KANK1: variants seen among roughly 807,000 people sequenced by gnomAD.
KANK1 encodes the protein KN motif and ankyrin repeat domain-containing protein 1.
KANK1 carries 109 observed loss-of-function variants against 106.2 expected under a neutral mutation model. The ratio of observed to expected loss-of-function variants is 1.03; its 90% CI spans 0.88 to 1.20. The LOEUF is 1.20. Ranked by LOEUF, KANK1 falls within the 50% of genes most tolerant of loss-of-function variation. KANK1 has a pLI of 0.00. For missense variants in KANK1, 2,399 were observed against 1,710.7 expected (o/e 1.40, Z -7.10); for synonymous variants, 873 against 652.2 (o/e 1.34, Z -5.16).
intron 8 of KANK1, among the ~76,000 whole-genome samples, chr9:739,245 A>G (rs892417964): frequency 2.0e-5 from 3 of 152,122 alleles, no homozygotes; most frequent in African/African-American, 7.2e-5. Flanking sequence ...CAAGTCTTTT[A>G]ATTTTTGTAA....
At chr9:480,356 T>G (rs2058182404) in intron 3 of KANK1, among the ~76,000 whole-genome samples, 1 of 152,214 alleles carries the variant, frequency 6.6e-6, no homozygotes, top group African/African-American at 2.4e-5. Context: ...AAAGGCTAGG[T>G]GGACACGTGC....
intron 2 of KANK1, among the ~76,000 whole-genome samples, chr9:682,231 C>T (rs1426353052): frequency 6.6e-6 from 1 of 151,112 alleles, no homozygotes; most frequent in Non-Finnish European, 1.5e-5. Context: ...AGTGTCCCGA[C>T]ACAGTGCTAC....
chr9:522,402 T>TA (rs1291262802), intron 1 of KANK1, among the ~76,000 whole-genome samples: 1 of 151,644 alleles, frequency 6.6e-6, no homozygotes, highest in Non-Finnish European at 1.5e-5. Flanking sequence ...TGGATAGCAC[T>TA]CCTAACGCTC....
chr9:738,053 C>T (rs1052589606), intron 7 of KANK1, among the ~76,000 whole-genome samples: 2 of 152,188 alleles, frequency 1.3e-5, no homozygotes, highest in African/African-American at 4.8e-5. Flanking sequence ...TCTGCTTCTG[C>T]ATGGTGCTGT....
intron 1 of KANK1, among the ~76,000 whole-genome samples, chr9:514,234 C>CCCTCCCTT (rs1417117099): frequency 3.7e-5 from 3 of 81,266 alleles, no homozygotes; most frequent in South Asian, 4.2e-4. Flanking sequence ...CTCCCTCCCT[C>CCCTCCCTT]CCTCCCTTCC....
At chr9:519,767 G>A (rs894398887) in intron 1 of KANK1, among the ~76,000 whole-genome samples, 7 of 151,638 alleles carry the variant, frequency 4.6e-5, no homozygotes, top group Admixed American at 6.6e-5. Flanking sequence ...GAGCCTTGTC[G>A]TCTTTGAACC....
chr9:635,185 C>G (rs1427607280), intron 1 of KANK1, among the ~76,000 whole-genome samples: 1 of 152,152 alleles, frequency 6.6e-6, no homozygotes, highest in East Asian at 1.9e-4. Context: ...CCTCTTCCAT[C>G]CTGACCTCAT....
intron 1 of KANK1, among the ~76,000 whole-genome samples, chr9:563,585 T>C (rs149776398): frequency 6.6e-6 from 1 of 152,206 alleles, no homozygotes; most frequent in Non-Finnish European, 1.5e-5. Flanking sequence ...TTTGTAGATA[T>C]GTATGTGTGT....
At chr9:472,761 C>T (rs2058042776) in intron 2 of KANK1, among the ~76,000 whole-genome samples, 1 of 152,082 alleles carries the variant, frequency 6.6e-6, no homozygotes, top group Admixed American at 6.6e-5. Context: ...AATTTTAAGG[C>T]GGTGACAACA....
At chr9:569,129 G>T (rs1358312954) in intron 1 of KANK1, among the ~76,000 whole-genome samples, 1 of 152,070 alleles carries the variant, frequency 6.6e-6, no homozygotes, top group African/African-American at 2.4e-5. Context: ...GTATCCAGCT[G>T]CCTGACCCAG....
chr9:555,338 C>T (rs907630522), intron 1 of KANK1, among the ~76,000 whole-genome samples: 2 of 152,144 alleles, frequency 1.3e-5, no homozygotes, highest in African/African-American at 2.4e-5. Flanking sequence ...CCCTACCTTC[C>T]ACACCATGTA....
intron 1 of KANK1, among the ~76,000 whole-genome samples, chr9:610,225 G>C (rs10975396): frequency 6.6e-6 from 1 of 151,854 alleles, no homozygotes; most frequent in Non-Finnish European, 1.5e-5. Flanking sequence ...GAACACTTAC[G>C]TTTATCAAAA....
At chr9:570,294 C>G (rs939772861) in intron 1 of KANK1, among the ~76,000 whole-genome samples, 1 of 152,136 alleles carries the variant, frequency 6.6e-6, no homozygotes, top group Admixed American at 6.5e-5. Context: ...ATTTGATGTC[C>G]TTAGTAAGCC....
chr9:688,447 A>G (rs959261045), intron 2 of KANK1, among the ~76,000 whole-genome samples: 3 of 152,100 alleles, frequency 2.0e-5, no homozygotes, highest in Non-Finnish European at 2.9e-5. Context: ...CTCTACTAAA[A>G]ATACAAAAAT....
At chr9:708,536 G>T (rs1354406135) in intron 2 of KANK1, among the ~76,000 whole-genome samples, 3 of 152,172 alleles carry the variant, frequency 2.0e-5, no homozygotes, top group Admixed American at 2.0e-4. Flanking sequence ...AAATTGGGAC[G>T]TAAGGAATAT....
chr9:724,079 T>G (rs1830057940), intron 3 of KANK1, among the ~76,000 whole-genome samples: 1 of 151,856 alleles, frequency 6.6e-6, no homozygotes, highest in Non-Finnish European at 1.5e-5. Context: ...CCAGCCTGGG[T>G]GACAGAGTGA....
chr9:567,056 C>T lies in KANK1; in HGVS notation c.-84+62302C>T, dbSNP rs117546898. Among the ~76,000 whole-genome samples the T allele has an allele frequency of 1.6e-3, 241 of 152,298 alleles. 3 individuals carry two copies. In the Middle Eastern group the frequency reaches 0.027, roughly 17 times the overall value. ...GAAGGGGTCCAGTTTCAATTTTCTGCACATGGCTAGCCAGTTATCACAGCA... is the reference window on the plus strand; with the variant it reads ...GAAGGGGTCCAGTTTCAATTTTCTGTACATGGCTAGCCAGTTATCACAGCA... On this transcript the variant is annotated intron_variant, in intron 1 of 11. Transcript: ENST00000382297.
intron 1 of KANK1, among the ~76,000 whole-genome samples, chr9:520,925 T>C (rs2059516615): frequency 6.6e-6 from 1 of 151,782 alleles, no homozygotes; most frequent in East Asian, 1.9e-4. Context: ...ATGATTTTTG[T>C]TTAATTGCCT....
chr9:724,812 AG>A lies in KANK1; in HGVS notation c.2699-5238del, dbSNP rs1288793905. On this transcript the variant is annotated intron_variant, in intron 3 of 11. Coordinates refer to ENST00000382297, the MANE Select transcript of KANK1 (RefSeq NM_015158.5). ...GCGAGACTCAATCTCAAAAAAAACA[AG>A]AGTGTTCTGGCATTCAGTGATTAAC... Among the ~76,000 whole-genome samples the A allele has an allele frequency of 1.1e-4, 16 of 152,212 alleles. No homozygotes were observed. The East Asian group carries it at 2.7e-3, about 26-fold the overall frequency.
Sources: gnomAD v4.1 joint callset for allele counts (sites outside exome capture counted in the v4.1 genomes callset) on GRCh38, gnomAD v4.1.1 for gene constraint, MANE v1.5 for transcripts, NCBI Gene and HGNC (gene_info 2026-07-23, HGNC 2026-07-21) for gene names.